COL12A1: variants seen among roughly 807,000 people sequenced by gnomAD.
COL12A1 encodes the protein collagen type XII alpha 1 chain.
A neutral mutation model predicts 349.7 loss-of-function variants in COL12A1; 114 were observed. The ratio of observed to expected loss-of-function variants is 0.33; its 90% CI spans 0.28 to 0.38. The LOEUF is 0.38. Among genes scored for constraint, COL12A1 ranks in the 10% least tolerant of loss-of-function variants. The pLI, the probability that COL12A1 is intolerant of heterozygous loss-of-function variation, is 1.00. For synonymous variants in COL12A1, 1,369 were observed against 1,329.0 expected (o/e 1.03, Z -0.66); for missense variants, 3,284 against 3,756.9 (o/e 0.87, Z 3.29).
chr6:75,183,180 A>G lies in COL12A1; in HGVS notation c.1761T>C (p.Ile587=), dbSNP rs1769411353. The part of the protein sequence containing the change: ...KDAVRSELEA[I]ASPPAETHVF... ...CATGGGTCTCTGCAGGAGGAGAGGC[A>G]ATAGCTTCCAATTCTGAGCGAACGG... Residue 587 remains isoleucine (I), a synonymous_variant, in exon 10 of 66, where the codon ATT becomes ATC. Transcript: ENST00000322507. The G allele has an allele frequency of 6.2e-7, 1 of 1,614,044 alleles. No individual in the cohort carries two copies. Among genetic ancestry groups the G allele is most frequent in the African/African-American group, 1.3e-5 (1 of 74,932 alleles).
chr6:75,197,157 G>C (rs1341220554), intron 2 of COL12A1, among the ~76,000 whole-genome samples: 1 of 152,012 alleles, frequency 6.6e-6, no homozygotes, highest in Non-Finnish European at 1.5e-5. Flanking sequence ...GTAAGTGTAT[G>C]ACCCGTGTCA....
chr6:75,119,464 C>A lies in COL12A1; in HGVS notation c.7096G>T (p.Val2366Leu). Reference protein sequence around the residue: ...ISPAGIQVSFVQYSDEVKSEF... With the variant: ...ISPAGIQVSFLQYSDEVKSEF... Reference sequence around the variant, plus strand: ...GACTTGACCTCATCGCTGTATTGCACAAATGAAACCTGAAGGAAAATGTGA... The same window carrying A: ...GACTTGACCTCATCGCTGTATTGCAAAAATGAAACCTGAAGGAAAATGTGA... Residue 2366 changes from valine (V) to leucine (L), a missense_variant, in exon 45 of 66, where the codon GTG (valine) becomes TTG (leucine). Coordinates refer to ENST00000322507, the MANE Select transcript of COL12A1 (RefSeq NM_004370.6). 1 of 1,603,438 alleles carries A rather than the reference C, an allele frequency of 6.2e-7. No homozygotes were observed. Among genetic ancestry groups the A allele is most frequent in the South Asian group, 1.1e-5 (1 of 89,106 alleles).
chr6:75,167,419 T>C (rs1768368965), intron 13 of COL12A1, among the ~76,000 whole-genome samples: 1 of 152,178 alleles, frequency 6.6e-6, no homozygotes, highest in South Asian at 2.1e-4. Context: ...CAATTTTGAA[T>C]TTAAATGAGC....
Position 75,142,058 on chromosome 6 carries a change from G to C in COL12A1, c.4931C>G (p.Pro1644Arg). The change falls in exon 27 of 66, where the codon CCT becomes CGT. Residue 1644 changes from proline to arginine, a missense_variant. Physicochemically the swap from Pro to Arg is moderately radical, Grantham distance 103 (BLOSUM62 -2). This residue lies in a region of COL12A1 where 2,601 missense variants were observed against 2,824.8 expected (regional missense o/e 0.92). Transcript: ENST00000322507. ...GGTAGTTTCTTGAGCAGTCACTGGAGGAGACTCCCCCTCGTCATGTACTGC... is the reference window on the plus strand; with the variant it reads ...GGTAGTTTCTTGAGCAGTCACTGGACGAGACTCCCCCTCGTCATGTACTGC... ...VSAVHDEGES[P>R]PVTAQETTRP... 2 of 1,614,122 alleles carry C rather than the reference G, an allele frequency of 1.2e-6. No individual in the cohort carries two copies. The highest frequency in any genetic ancestry group is 1.7e-6 in the Non-Finnish European group (2 of 1,179,990).
chr6:75,102,489 C>T, intron 56 of COL12A1, 108 bp downstream of exon 56: 1 of 788,698 alleles, frequency 1.3e-6, no homozygotes. Context: ...TGACTAACCT[C>T]GTTGAATTAT....
intron 59 of COL12A1, 142 bp from the exon 60 acceptor site, chr6:75,095,321 G>C: frequency 1.5e-6 from 1 of 660,208 alleles, no homozygotes. Flanking sequence ...CAAATTTTAA[G>C]ATAACATGAA....
intron 3 of COL12A1, 89 bp from the exon 4 acceptor site, chr6:75,192,444 T>C (rs1769981891): frequency 8.3e-7 from 1 of 1,208,276 alleles, no homozygotes; most frequent in African/African-American, 1.6e-5. Flanking sequence ...GTACTCAAAA[T>C]CTGAAAAATT....
At chr6:75,149,797 G>C (rs1039600629) in intron 21 of COL12A1, among the ~76,000 whole-genome samples, 1 of 151,920 alleles carries the variant, frequency 6.6e-6, no homozygotes, top group Non-Finnish European at 1.5e-5. Flanking sequence ...TTTACTGTCT[G>C]GGAAACTAGA....
chr6:75,093,477 G>C (rs1767866416), intron 60 of COL12A1, among the ~76,000 whole-genome samples: 1 of 152,122 alleles, frequency 6.6e-6, no homozygotes, highest in African/African-American at 2.4e-5. Context: ...TCATTAATTA[G>C]AGGAAGGTAA....
In COL12A1 at chr6:75,179,624, T is replaced by C. The variant is rs145079796; in HGVS notation, c.2164+1315A>G. Among the ~76,000 whole-genome samples, 324 of 152,282 alleles carry C rather than the reference T, an allele frequency of 2.1e-3. 2 individuals carry two copies. The highest frequency in any genetic ancestry group is 7.1e-3 in the African/African-American group (293 of 41,540). On this transcript the variant is annotated intron_variant, in intron 11 of 65. Coordinates refer to ENST00000322507, the MANE Select transcript of COL12A1 (RefSeq NM_004370.6). ...GATTCTCTAGCTTTTATCAGTATAG[T>C]ATGCCAATGTGCACCATCCCTGTCA...
intron 49 of COL12A1, among the ~76,000 whole-genome samples, chr6:75,114,982 C>T (rs1769006434): frequency 6.6e-6 from 1 of 152,054 alleles, no homozygotes; most frequent in Admixed American, 6.6e-5. Flanking sequence ...ACCTAGAACT[C>T]CGAGCCAACA....
In COL12A1 at chr6:75,090,148, G is replaced by T; in HGVS notation, c.8903C>A (p.Pro2968Gln). 1 of 1,613,888 alleles carries T rather than the reference G, an allele frequency of 6.2e-7. No individual in the cohort carries two copies. Among genetic ancestry groups the T allele is most frequent in the Non-Finnish European group, 8.5e-7 (1 of 1,179,992 alleles). Residue 2968 changes from proline (P) to glutamine (Q), a missense_variant, in exon 63 of 66, where the codon CCG becomes CAG. Around this residue, in one of 2 missense-constraint regions of COL12A1, gnomAD observed 683 missense variants for 932.1 expected, o/e 0.73. Transcript: ENST00000322507. This position sits in a 1 kb window ranked among gnomAD's most constrained non-coding sequence, Gnocchi z 4.1. ...EPGPGGRPGF[P>Q]GTPGMQGPPG... ...GGGTCCCTGCATCCCTGGTGTGCCC[G>T]GGAAGCCTGGCCGCCCCCCAGGCCC... is the stretch of plus-strand genomic sequence containing the variant.
chr6:75,175,358 T>G, intron 12 of COL12A1, 48 bp from the exon 13 acceptor site: 2 of 1,579,068 alleles, frequency 1.3e-6, no homozygotes, highest in Admixed American at 1.8e-5. Context: ...TTTAAAAAAA[T>G]GACTTGAAAA....
At chr6:75,156,611 G>A in intron 14 of COL12A1, 88 bp from the exon 15 acceptor site, 1 of 1,270,090 alleles carries the variant, frequency 7.9e-7, no homozygotes, top group South Asian at 1.5e-5. Flanking sequence ...GAAACTCTCT[G>A]TGGCTTCTTA....
intron 13 of COL12A1, among the ~76,000 whole-genome samples, chr6:75,170,184 T>C (rs1768549821): frequency 1.3e-5 from 2 of 152,238 alleles, no homozygotes; most frequent in South Asian, 4.1e-4. Context: ...AATTAGCCAA[T>C]GATAAATGAA....
Position 75,142,043 on chromosome 6 carries a change from T to A in COL12A1, c.4946A>T (p.Gln1649Leu). 1 of 1,614,090 alleles carries A rather than the reference T, an allele frequency of 6.2e-7. No homozygotes were observed. The highest frequency in any genetic ancestry group is 2.2e-5 in the East Asian group (1 of 44,884). ...GGAGCACAACTCACGGGTAGTTTCT[T>A]GAGCAGTCACTGGAGGAGACTCCCC... Reference protein sequence around the residue: ...DEGESPPVTAQETTRPVPAPT... With the variant: ...DEGESPPVTALETTRPVPAPT... The change falls in exon 27 of 66, where the codon CAA (glutamine) becomes CTA (leucine). Residue 1649 changes from glutamine to leucine, a missense_variant. Physicochemically the swap from Gln to Leu is moderately radical, Grantham distance 113. This residue lies in a region of COL12A1 where 2,601 missense variants were observed against 2,824.8 expected (regional missense o/e 0.92). Transcript: ENST00000322507.
chr6:75,109,798 T>C (rs376666004), intron 51 of COL12A1, among the ~76,000 whole-genome samples: 1 of 152,104 alleles, frequency 6.6e-6, no homozygotes. Flanking sequence ...ACTCTATTAG[T>C]ATAGATAATT....
chr6:75,123,443 T>G, intron 42 of COL12A1, 39 bp from the exon 43 acceptor site: 1 of 1,456,654 alleles, frequency 6.9e-7, no homozygotes, highest in Non-Finnish European at 9.3e-7. Flanking sequence ...ACACACCATG[T>G]GCACATTTGA....
chr6:75,192,076 A>G (rs997569001), intron 4 of COL12A1, 136 bp downstream of exon 4: 1 of 624,312 alleles, frequency 1.6e-6, no homozygotes, highest in Non-Finnish European at 2.5e-6. Context: ...ATGTCCACTA[A>G]TAACTAGGAT....
Sources: gnomAD v4.1 joint callset for allele counts (sites outside exome capture counted in the v4.1 genomes callset) on GRCh38, gnomAD v4.1.1 for gene constraint, gnomAD v4.1.1 regional missense constraint, Gnocchi (gnomAD v3.1) non-coding constraint, MANE v1.5 for transcripts, NCBI Gene and HGNC (gene_info 2026-07-23, HGNC 2026-07-21) for gene names.